Variants in FAM83B observed in about 807,000 individuals in gnomAD.
FAM83B encodes the protein scaffolding CK1 anchoring protein B.
A neutral mutation model predicts 38.8 loss-of-function variants in FAM83B; 26 were observed. The observed-to-expected ratio is 0.67, with a 90% CI of 0.49 to 0.93. The LOEUF (loss-of-function observed/expected upper bound fraction) is 0.93. FAM83B is among the 40% of genes least tolerant of loss of function. The pLI is 0.00. For missense variants in FAM83B, 1,237 were observed against 1,197.3 expected (o/e 1.03, Z -0.49); for synonymous variants, 419 against 423.1 (o/e 0.99, Z 0.12).
chr6:54,911,832 A>C (rs1322182708), intron 2 of FAM83B, among the ~76,000 whole-genome samples: 1 of 152,130 alleles, frequency 6.6e-6, no homozygotes, highest in Non-Finnish European at 1.5e-5. Flanking sequence ...TCTAATTTAA[A>C]TGTTGCTGAT....
In FAM83B at chr6:54,878,707, C is replaced by T. The variant is rs374027234; in HGVS notation, c.444+8017C>T. On this transcript the variant is annotated intron_variant, in intron 2 of 4. Coordinates refer to ENST00000306858, the MANE Select transcript of FAM83B (RefSeq NM_001010872.3). Reference sequence around the variant, plus strand: ...GATCCCCACTGGCCATTTTAAGGAACTTGGCTATGATTCCTGTAAATCAGG... The same window carrying T: ...GATCCCCACTGGCCATTTTAAGGAATTTGGCTATGATTCCTGTAAATCAGG... Among the ~76,000 whole-genome samples, 199 of 152,242 alleles carry T rather than the reference C, an allele frequency of 1.3e-3. 2 individuals carry two copies. The highest frequency in any genetic ancestry group is 4.6e-3 in the African/African-American group (190 of 41,538).
intron 1 of FAM83B, among the ~76,000 whole-genome samples, chr6:54,849,523 T>A (rs1400475643): frequency 2.9e-5 from 4 of 140,344 alleles, no homozygotes; most frequent in Non-Finnish European, 6.2e-5. Flanking sequence ...TAGGGGTGGG[T>A]GATGGAGGGG....
At chr6:54,863,943 T>C (rs1220671413) in intron 1 of FAM83B, among the ~76,000 whole-genome samples, 1 of 152,210 alleles carries the variant, frequency 6.6e-6, no homozygotes, top group African/African-American at 2.4e-5. Flanking sequence ...TTTATCAGGA[T>C]AGCCTTGTAG....
At chr6:54,868,865 C>G (rs1368933176) in intron 1 of FAM83B, among the ~76,000 whole-genome samples, 1 of 152,176 alleles carries the variant, frequency 6.6e-6, no homozygotes, top group Non-Finnish European at 1.5e-5. Context: ...TGTAAAACTT[C>G]TGAGCCCAGA....
Position 54,940,255 on chromosome 6 carries a change from A to T in FAM83B, c.1284A>T (p.Ser428=). 1 of 1,614,084 alleles carries T rather than the reference A, an allele frequency of 6.2e-7. No individual in the cohort carries two copies. Among genetic ancestry groups the T allele is most frequent in the South Asian group, 1.1e-5 (1 of 91,090 alleles). Residue 428 remains serine (S), a synonymous_variant, in exon 5 of 5, where the codon TCA becomes TCT. Coordinates refer to ENST00000306858, the MANE Select transcript of FAM83B (RefSeq NM_001010872.3). The stretch of plus-strand genomic sequence containing the variant: ...CTGATAGTCTCAGTGTGGCGTCCTC[A>T]TCACGGGAAGGCTATGTAAGCCACC... ...KPSDSLSVAS[S]SREGYVSHHN... is the part of the protein sequence containing the mutation.
rs1311466882 is a variant in FAM83B, at chr6:54,943,046, G to T, written c.*1039G>T. Reference sequence around the variant, plus strand: ...GCCTCCTGAGTAGCTGGGATTACAGGTGCGCACCACCACACCCGGCTAATT... The same window carrying T: ...GCCTCCTGAGTAGCTGGGATTACAGTTGCGCACCACCACACCCGGCTAATT... On this transcript the variant is annotated 3_prime_UTR_variant, in exon 5 of 5. Transcript: ENST00000306858. 6.6e-6 allele frequency: 1 copy of T among 151,958 alleles called. No individual in the cohort carries two copies. Among genetic ancestry groups the T allele is most frequent in the African/African-American group, 2.4e-5 (1 of 41,320 alleles). 9.4% of individuals were successfully genotyped at this position (151,958 alleles called of 1,614,324 possible).
At chr6:54,910,239 T>C (rs532175043) in intron 2 of FAM83B, among the ~76,000 whole-genome samples, 5 of 152,124 alleles carry the variant, frequency 3.3e-5, no homozygotes, top group Non-Finnish European at 5.9e-5. Flanking sequence ...ATGTCTGTAA[T>C]TGACAACACC....
chr6:54,865,863 A>G (rs970908518), intron 1 of FAM83B, among the ~76,000 whole-genome samples: 2 of 152,086 alleles, frequency 1.3e-5, no homozygotes, highest in Non-Finnish European at 2.9e-5. Flanking sequence ...GATATTGCTA[A>G]TGGTATGAAA....
chr6:54,936,500 ATC>A (rs774213989), intron 4 of FAM83B, among the ~76,000 whole-genome samples: 1 of 152,076 alleles, frequency 6.6e-6, no homozygotes, highest in African/African-American at 2.4e-5. Flanking sequence ...TTCCTCAAAC[ATC>A]TCTTTCTATT....
At chr6:54,863,018 G>A (rs1250948094) in intron 1 of FAM83B, among the ~76,000 whole-genome samples, 4 of 152,142 alleles carry the variant, frequency 2.6e-5, no homozygotes, top group Non-Finnish European at 5.9e-5. Context: ...AGTAGGAGGC[G>A]AGTTCTTGTC....
At chr6:54,864,169 A>G (rs9367595) in intron 1 of FAM83B, among the ~76,000 whole-genome samples, 139,234 of 152,096 alleles carry the variant, frequency 0.92, 63,918 homozygotes, top group East Asian at 1. Context: ...TTTTTCCCCC[A>G]ATATCTAAAA....
intron 1 of FAM83B, among the ~76,000 whole-genome samples, chr6:54,850,894 C>T (rs1376048588): frequency 1.3e-5 from 2 of 151,620 alleles, no homozygotes; most frequent in Middle Eastern, 3.2e-3. Context: ...TGGCGGGTGC[C>T]TGTAATCCCA....
At chr6:54,886,428 T>A (rs1231909921) in intron 2 of FAM83B, among the ~76,000 whole-genome samples, 1 of 152,144 alleles carries the variant, frequency 6.6e-6, no homozygotes, top group Non-Finnish European at 1.5e-5. Flanking sequence ...TGAGCCTAAT[T>A]TTAATTCTGG....
chr6:54,853,606 G>A (rs530740449), intron 1 of FAM83B, among the ~76,000 whole-genome samples: 4 of 152,214 alleles, frequency 2.6e-5, no homozygotes, highest in Admixed American at 2.6e-4. Context: ...AAGGTCTACT[G>A]ACTTTTTAAG....
At chr6:54,889,077 T>C (rs1772344442) in intron 2 of FAM83B, among the ~76,000 whole-genome samples, 1 of 152,090 alleles carries the variant, frequency 6.6e-6, no homozygotes, top group South Asian at 2.1e-4. Flanking sequence ...AATTTTGGTA[T>C]TGATATTTGT....
chr6:54,852,281 T>A (rs571209983), intron 1 of FAM83B, among the ~76,000 whole-genome samples: 2 of 152,256 alleles, frequency 1.3e-5, no homozygotes, highest in African/African-American at 4.8e-5. Context: ...GTGCCATTTT[T>A]CCAACAGCAC....
At chr6:54,868,308 A>T (rs1275544079) in intron 1 of FAM83B, among the ~76,000 whole-genome samples, 1 of 152,086 alleles carries the variant, frequency 6.6e-6, no homozygotes. Flanking sequence ...TAATCATTAG[A>T]TGCTAGTAGC....
At chr6:54,862,048 C>T (rs1771597168) in intron 1 of FAM83B, among the ~76,000 whole-genome samples, 1 of 152,182 alleles carries the variant, frequency 6.6e-6, no homozygotes, top group Non-Finnish European at 1.5e-5. Flanking sequence ...ATTATTCAAT[C>T]AGACATTAGG....
chr6:54,858,709 T>A (rs1321037509), intron 1 of FAM83B, among the ~76,000 whole-genome samples: 1 of 152,208 alleles, frequency 6.6e-6, no homozygotes, highest in Non-Finnish European at 1.5e-5. Flanking sequence ...TATTTTTTTA[T>A]GATTAATGAA....
Sources: allele counts gnomAD v4.1 joint callset (sites outside exome capture counted in the v4.1 genomes callset), GRCh38; gene constraint gnomAD v4.1.1; transcripts MANE v1.5; gene names NCBI Gene and HGNC (gene_info 2026-07-23, HGNC 2026-07-21).